Variants in SETD2 observed in about 807,000 individuals in gnomAD.
SETD2 encodes SET domain containing 2, histone lysine methyltransferase.
SETD2 carries 31 observed loss-of-function variants against 242.1 expected under a neutral mutation model. The ratio of observed to expected loss-of-function variants is 0.13; its 90% CI spans 0.10 to 0.17. The LOEUF is 0.17. Among genes scored for constraint, SETD2 ranks in the 10% least tolerant of loss-of-function variants. The probability of loss-of-function intolerance (pLI) is 1.00; values close to 1 mark genes in which losing one functional copy is unlikely to be tolerated. For synonymous variants in SETD2, 1,006 were observed against 1,066.5 expected (o/e 0.94, Z 1.11); for missense variants, 2,481 against 3,046.3 (o/e 0.81, Z 4.37).
chr3:47,120,751 C>T lies in SETD2; in HGVS notation c.3885G>A (p.Gly1295=), dbSNP rs2107745518. The T allele has an allele frequency of 6.2e-7, 1 of 1,614,172 alleles. No individual in the cohort carries two copies. Residue 1295 remains glycine (G), a synonymous_variant, in exon 3 of 21, where the codon GGG becomes GGA. Transcript: ENST00000409792. ...CATTGCCTTGCCAGTAATCACGTGT[C>T]CCACCATACTGTTCTGCATTTTGCT... ...KYQQNAEQYG[G]TRDYWQGNGY...
At chr3:47,061,415 A>G (rs1165058642) in intron 14 of SETD2, among the ~76,000 whole-genome samples, 11 of 152,180 alleles carry the variant, frequency 7.2e-5, no homozygotes, top group Admixed American at 6.5e-4. Flanking sequence ...GGGAAAGGAC[A>G]GCACCTTTTC....
intron 12 of SETD2, among the ~76,000 whole-genome samples, chr3:47,073,789 T>C (rs2040932010): frequency 6.6e-6 from 1 of 152,220 alleles, no homozygotes; most frequent in African/African-American, 2.4e-5. Flanking sequence ...AACTGCAATA[T>C]TCCATTTTTG....
At position 47,022,412 on chromosome 3, in the gene SETD2, A is replaced by C. The variant is rs2038272026; in HGVS notation, c.7351-2572T>G. ...CAGTTACTTGGGAGGTTGAGGTTGG[A>C]GAGTTGCGCGAGCCTAGGAGGTTGA... On this transcript the variant is annotated intron_variant, in intron 18 of 20. Coordinates refer to ENST00000409792, the MANE Select transcript of SETD2 (RefSeq NM_014159.7). 2.0e-5 allele frequency among the ~76,000 whole-genome samples: 3 copies of C among 151,752 alleles called. 1 individual carries two copies. Among genetic ancestry groups the C allele is most frequent in the Admixed American group, 2.0e-4 (3 of 15,230 alleles).
intron 1 of SETD2, among the ~76,000 whole-genome samples, chr3:47,140,849 CGA>C (rs1275402819): frequency 1.3e-5 from 2 of 151,836 alleles, no homozygotes; most frequent in Non-Finnish European, 1.5e-5. Flanking sequence ...GGTGACACAG[CGA>C]GACTCTGTCT....
At chr3:47,156,546 A>AAT (rs1411544766) in intron 1 of SETD2, among the ~76,000 whole-genome samples, 1 of 152,206 alleles carries the variant, frequency 6.6e-6, no homozygotes, top group African/African-American at 2.4e-5. Context: ...GAGGGACATG[A>AAT]ATATTAAAGA....
intron 10 of SETD2, 108 bp from the exon 11 acceptor site, chr3:47,086,422 C>T: frequency 9.5e-7 from 1 of 1,056,292 alleles, no homozygotes; most frequent in Non-Finnish European, 1.3e-6. Context: ...ATAGGGTTCA[C>T]TTACATTCAC....
At chr3:47,054,746 T>C (rs1320804065) in intron 15 of SETD2, among the ~76,000 whole-genome samples, 1 of 152,180 alleles carries the variant, frequency 6.6e-6, no homozygotes, top group Non-Finnish European at 1.5e-5. Context: ...ACTATAAGCA[T>C]GTTTAATGGA....
chr3:47,097,494 A>G (rs1285548255), intron 9 of SETD2, among the ~76,000 whole-genome samples: 1 of 152,220 alleles, frequency 6.6e-6, no homozygotes, highest in Non-Finnish European at 1.5e-5. Flanking sequence ...GTTTCATTAA[A>G]TAAAAAGAGC....
In SETD2 at chr3:47,124,234, C is replaced by T. The variant is rs748238773; in HGVS notation, c.402G>A (p.Lys134=). 6.4e-7 allele frequency: 1 copy of T among 1,551,802 alleles called. No homozygotes were observed. The change falls in exon 3 of 21, where the codon AAG becomes AAA. Residue 134 remains lysine (K), a synonymous_variant. Transcript: ENST00000409792. The stretch of plus-strand genomic sequence containing the variant: ...GAATTTTGCCCAATTCCACCCTTGA[C>T]TTTGGTGGGGAAGATTCTTCTGCAG... ...LSTAEESSPP[K]SRVELGKIHF... is the part of the protein sequence containing the mutation.
In SETD2 at chr3:47,018,932, CT is replaced by C. The variant is rs764104881; in HGVS notation, c.7431+827del. Reference sequence around the variant, plus strand: ...TGATCCATCTGGCCAATTCCTACCCCTGATTCAAGCGCCCTTCCTGACTGCC... The same window carrying C: ...TGATCCATCTGGCCAATTCCTACCCCGATTCAAGCGCCCTTCCTGACTGCC... On this transcript the variant is annotated intron_variant, in intron 19 of 20. Coordinates refer to ENST00000409792, the MANE Select transcript of SETD2 (RefSeq NM_014159.7). Among the ~76,000 whole-genome samples, 18 of 152,252 alleles carry C rather than the reference CT, an allele frequency of 1.2e-4. No individual in the cohort carries two copies. In the East Asian group the frequency reaches 1.3e-3, roughly 11 times the overall value.
rs1468726043 is a variant in SETD2 at position 47,049,145 on chromosome 3, T to C, written c.6964-2524A>G. Among the ~76,000 whole-genome samples the C allele has an allele frequency of 2.0e-5, 3 of 151,536 alleles. No individual in the cohort carries two copies. The East Asian group carries it at 5.8e-4, about 29-fold the overall frequency. On this transcript the variant is annotated intron_variant, in intron 15 of 20. Transcript: ENST00000409792. ...AATTTGTAGAGACAGGGTTTCGCTA[T>C]GTTGTCTAGGCTAGTCTTGAACTCT...
intron 8 of SETD2, 48 bp from the exon 9 acceptor site, chr3:47,098,129 T>A (rs754994330): frequency 9.4e-6 from 15 of 1,603,458 alleles, no homozygotes; most frequent in Non-Finnish European, 1.3e-5. Flanking sequence ...AAGTAAACCA[T>A]ACAAAACTGT....
At chr3:47,081,658 G>A (rs1020075393) in intron 12 of SETD2, among the ~76,000 whole-genome samples, 5 of 152,056 alleles carry the variant, frequency 3.3e-5, no homozygotes, top group African/African-American at 1.2e-4. Flanking sequence ...ATGTTTGTCT[G>A]GTTTTTTTAA....
intron 15 of SETD2, among the ~76,000 whole-genome samples, chr3:47,049,902 CTT>C (rs1365189436): frequency 8.4e-5 from 8 of 95,442 alleles, no homozygotes; most frequent in Non-Finnish European, 1.4e-4. Flanking sequence ...TATATATAAA[CTT>C]ATTCTGAATT....
intron 15 of SETD2, among the ~76,000 whole-genome samples, chr3:47,050,777 C>T (rs907403757): frequency 2.4e-5 from 3 of 124,624 alleles, no homozygotes; most frequent in Admixed American, 1.0e-4. Flanking sequence ...GTCACCCAGG[C>T]GGAAGTGCAG....
At chr3:47,095,566 T>C (rs1453093691) in intron 9 of SETD2, among the ~76,000 whole-genome samples, 2 of 151,982 alleles carry the variant, frequency 1.3e-5, no homozygotes, top group Non-Finnish European at 2.9e-5. Flanking sequence ...TAAAGAAAAA[T>C]GTCCGGTAGT....
At chr3:47,157,424 A>G in intron 1 of SETD2, 2 of 449,646 alleles carry the variant, frequency 4.4e-6, no homozygotes, top group Admixed American at 4.9e-5. Flanking sequence ...TTAATATAGA[A>G]TCTGACTATC....
At chr3:47,101,800 G>A (rs561143101) in intron 7 of SETD2, among the ~76,000 whole-genome samples, 9 of 151,286 alleles carry the variant, frequency 5.9e-5, no homozygotes, top group East Asian at 1.9e-4. Flanking sequence ...TCTCTAATTC[G>A]TCTCTAATAA....
At chr3:47,058,968 G>A (rs1201199358) in intron 14 of SETD2, among the ~76,000 whole-genome samples, 1 of 150,028 alleles carries the variant, frequency 6.7e-6, no homozygotes, top group East Asian at 2.0e-4. Context: ...CTAATTTGTT[G>A]TTGTTGTTGT....
Sources: allele counts gnomAD v4.1 joint callset (sites outside exome capture counted in the v4.1 genomes callset), GRCh38; gene constraint gnomAD v4.1.1; transcripts MANE v1.5; gene names NCBI Gene and HGNC (gene_info 2026-07-23, HGNC 2026-07-21).